The following ADAMTS2 variants were observed in gnomAD, a reference collection of about 807,000 sequenced individuals.
ADAMTS2 encodes ADAM metallopeptidase with thrombospondin type 1 motif 2.
A neutral mutation model predicts 123.0 loss-of-function variants in ADAMTS2; 50 were observed. That is an observed-to-expected ratio of 0.41 (90% CI 0.32 to 0.51). ADAMTS2 has a LOEUF of 0.51. Among genes scored for constraint, ADAMTS2 ranks in the 20% least tolerant of loss-of-function variants. ADAMTS2 has a pLI of 0.35. For missense variants in ADAMTS2, 1,494 were observed against 1,705.2 expected, an observed-to-expected ratio of 0.88 and a Z score of 2.18; for synonymous variants, 678 against 695.4, an observed-to-expected ratio of 0.98 and a Z score of 0.39.
In ADAMTS2 at chr5:179,262,852, A is replaced by G. The variant is rs903394764; in HGVS notation, c.688+10059T>C. Among the ~76,000 whole-genome samples, 3 of 152,260 alleles carry G rather than the reference A, an allele frequency of 2.0e-5. No individual in the cohort carries two copies. The highest frequency in any genetic ancestry group is 1.3e-4 in the Admixed American group (2 of 15,288). On this transcript the variant is annotated intron_variant, in intron 3 of 21. Transcript: ENST00000251582. This position sits in a 1 kb window ranked among gnomAD's most constrained non-coding sequence, Gnocchi z 5.9. ...CTCCGCTGCTACAGCCCCAGCACCC[A>G]GTCCTGTCAGACACATGGTGGACAC...
intron 2 of ADAMTS2, among the ~76,000 whole-genome samples, chr5:179,338,608 G>A (rs1324877103): frequency 6.6e-6 from 1 of 152,244 alleles, no homozygotes; most frequent in Non-Finnish European, 1.5e-5. Context: ...CAGACCAGCA[G>A]AGCAGGCGAC....
chr5:179,300,861 G>A (rs894541654), intron 2 of ADAMTS2, among the ~76,000 whole-genome samples: 20 of 152,224 alleles, frequency 1.3e-4, no homozygotes, highest in South Asian at 2.1e-4. Context: ...CAGATAAACC[G>A]TTATGGCTCT....
intron 4 of ADAMTS2, among the ~76,000 whole-genome samples, chr5:179,206,977 A>G (rs1764712600): frequency 6.6e-6 from 1 of 152,054 alleles, no homozygotes; most frequent in Non-Finnish European, 1.5e-5. Context: ...AGCTTTAAGG[A>G]GGGGCCCTGG....
chr5:179,343,821 G>A lies in ADAMTS2; in HGVS notation c.480C>T (p.Asp160=). 6.2e-7 allele frequency: 1 copy of A among 1,610,144 alleles called. No homozygotes were observed. The highest frequency in any genetic ancestry group is 1.1e-5 in the South Asian group (1 of 90,464). The part of the protein sequence containing the change: ...PLLGSCLYVG[D]VAGLAEASSV... ...AGGAGGCTTCGGCTAGGCCGGCCAC[G>A]TCTCCGACGTAGAGACAGCTCCCGA... is the stretch of plus-strand genomic sequence containing the variant. The change falls in exon 2 of 22, where the codon GAC becomes GAT. Residue 160 remains aspartate, a synonymous_variant. Coordinates refer to ENST00000251582, the MANE Select transcript of ADAMTS2 (RefSeq NM_014244.5).
intron 4 of ADAMTS2, among the ~76,000 whole-genome samples, chr5:179,186,326 G>A (rs1459280307): frequency 1.3e-5 from 2 of 152,180 alleles, no homozygotes; most frequent in African/African-American, 4.8e-5. Context: ...CACAGTCCGG[G>A]GCCGGGCTCC....
At chr5:179,208,867 G>A (rs1460928535) in intron 3 of ADAMTS2, among the ~76,000 whole-genome samples, 1 of 152,182 alleles carries the variant, frequency 6.6e-6, no homozygotes, top group African/African-American at 2.4e-5. Flanking sequence ...ACAGACCCAG[G>A]GCTGCAGGTC....
intron 4 of ADAMTS2, among the ~76,000 whole-genome samples, chr5:179,194,755 G>A (rs568761063): frequency 2.0e-5 from 3 of 152,264 alleles, no homozygotes; most frequent in African/African-American, 7.2e-5. Context: ...CTGGGGCAAG[G>A]TAGTGAGGTC....
At chr5:179,270,016 C>T (rs1766485452) in intron 3 of ADAMTS2, among the ~76,000 whole-genome samples, 1 of 152,174 alleles carries the variant, frequency 6.6e-6, no homozygotes, top group Non-Finnish European at 1.5e-5. Flanking sequence ...TCACCCCTTG[C>T]CCCTCCTAAT....
chr5:179,128,744 T>G lies in ADAMTS2; in HGVS notation c.2458-626A>C, dbSNP rs1227017148. On this transcript the variant is annotated intron_variant, in intron 16 of 21. Coordinates refer to ENST00000251582, the MANE Select transcript of ADAMTS2 (RefSeq NM_014244.5). This position sits in a 1 kb window ranked among gnomAD's most constrained non-coding sequence, Gnocchi z 4.9. ...TTATTTAATTTTTACTGTGATTCATTAACACTGAACTCACAGTCAATCGCA... is the reference window on the plus strand; with the variant it reads ...TTATTTAATTTTTACTGTGATTCATGAACACTGAACTCACAGTCAATCGCA... 6.6e-5 allele frequency among the ~76,000 whole-genome samples: 10 copies of G among 152,272 alleles called. No homozygotes were observed. The highest frequency in any genetic ancestry group is 3.4e-3 in the Middle Eastern group (1 of 294).
In ADAMTS2 at chr5:179,234,638, TC is replaced by T. The variant is rs1156675483; in HGVS notation, c.689-26924del. On this transcript the variant is annotated intron_variant, in intron 3 of 21. Transcript: ENST00000251582. This position sits in a 1 kb window ranked among gnomAD's most constrained non-coding sequence, Gnocchi z 4.7. ...AAGTCCCAAACAAACCTGTCACCTTTCCCTACCCCAACCCATCAGCCATTGC... is the reference window on the plus strand; with the variant it reads ...AAGTCCCAAACAAACCTGTCACCTTTCCTACCCCAACCCATCAGCCATTGC... Among the ~76,000 whole-genome samples, 1 of 151,950 alleles carries T rather than the reference TC, an allele frequency of 6.6e-6. No homozygotes were observed. Among genetic ancestry groups the T allele is most frequent in the Non-Finnish European group, 1.5e-5 (1 of 67,982 alleles).
intron 4 of ADAMTS2, among the ~76,000 whole-genome samples, chr5:179,201,136 C>A (rs892044072): frequency 2.6e-5 from 4 of 152,148 alleles, no homozygotes; most frequent in African/African-American, 7.2e-5. Context: ...CAGTCATTTG[C>A]TCAATGAAGC....
At chr5:179,139,544 G>C (rs1486368259) in intron 11 of ADAMTS2, among the ~76,000 whole-genome samples, 2 of 151,852 alleles carry the variant, frequency 1.3e-5, no homozygotes, top group African/African-American at 4.8e-5. Context: ...TGCTAGCATC[G>C]GGGGGGCTGA....
intron 4 of ADAMTS2, among the ~76,000 whole-genome samples, chr5:179,190,713 C>T (rs1034555616): frequency 6.6e-6 from 1 of 152,238 alleles, no homozygotes; most frequent in Non-Finnish European, 1.5e-5. Flanking sequence ...GTGAAATCCC[C>T]AGCACCTAGT....
At position 179,130,609 on chromosome 5, in the gene ADAMTS2, C is replaced by T. The variant is rs912553044; in HGVS notation, c.2291-511G>A. On this transcript the variant is annotated intron_variant, in intron 15 of 21. Transcript: ENST00000251582. This position sits in a 1 kb window ranked among gnomAD's most constrained non-coding sequence, Gnocchi z 4.3. The stretch of plus-strand genomic sequence containing the variant: ...CCCAGCCGAGGCCCCAGCAGCTCCC[C>T]ACAGCCCCAGAAGAGGCCTGGCCTG... Among the ~76,000 whole-genome samples the T allele has an allele frequency of 6.6e-6, 1 of 152,330 alleles. No homozygotes were observed.
intron 2 of ADAMTS2, among the ~76,000 whole-genome samples, chr5:179,279,087 C>T (rs1300916869): frequency 6.6e-6 from 1 of 152,032 alleles, no homozygotes; most frequent in African/African-American, 2.4e-5. Flanking sequence ...CTGCCCCTTC[C>T]CATGGAAGCC....
intron 4 of ADAMTS2, among the ~76,000 whole-genome samples, chr5:179,183,093 T>C (rs1764085342): frequency 2.6e-5 from 4 of 152,176 alleles, no homozygotes; most frequent in Admixed American, 2.6e-4. Flanking sequence ...TGGTAAACCA[T>C]AGTGCCCTGC....
chr5:179,236,236 C>A (rs1765525778), intron 3 of ADAMTS2, among the ~76,000 whole-genome samples: 1 of 152,162 alleles, frequency 6.6e-6, no homozygotes, highest in Non-Finnish European at 1.5e-5. Context: ...GGACTTTGGG[C>A]CCAGAAATCA....
In ADAMTS2 at chr5:179,158,833, T is replaced by C. The variant is rs1763536539; in HGVS notation, c.1022A>G (p.Asn341Ser). The part of the protein sequence containing the change: ...EIGNPSQSLE[N>S]VCRWAYLQQK... ...CTGGAGGTAGGCCCAGCGGCAGACA[T>C]TCTCCAGGCTCTGAGAGGGGTTCCC... Residue 341 changes from asparagine (N) to serine (S), a missense_variant, in exon 6 of 22, where the codon AAT becomes AGT. By Grantham distance (46) the Asn-to-Ser change is conservative. Transcript: ENST00000251582. The surrounding 1 kb of genome is among the most constrained non-coding windows in gnomAD (Gnocchi z 5.0). 1 of 1,614,054 alleles carries C rather than the reference T, an allele frequency of 6.2e-7. No homozygotes were observed. The highest frequency in any genetic ancestry group is 8.5e-7 in the Non-Finnish European group (1 of 1,180,036).
At chr5:179,320,157 T>C (rs1320766433) in intron 2 of ADAMTS2, among the ~76,000 whole-genome samples, 1 of 152,190 alleles carries the variant, frequency 6.6e-6, no homozygotes, top group Non-Finnish European at 1.5e-5. Flanking sequence ...ACGGAGGAAA[T>C]TCCCTCCCGC....
Sources: gnomAD v4.1 joint callset for allele counts (sites outside exome capture counted in the v4.1 genomes callset) on GRCh38, gnomAD v4.1.1 for gene constraint, Gnocchi (gnomAD v3.1) non-coding constraint, MANE v1.5 for transcripts, NCBI Gene and HGNC (gene_info 2026-07-23, HGNC 2026-07-21) for gene names.